The following CHSY3 variants were observed in gnomAD, a reference collection of about 807,000 sequenced individuals.
CHSY3 encodes the protein N-acetylgalactosaminyl-proteoglycan 3-beta-glucuronosyltransferase 3.
In CHSY3, 35 loss-of-function variants were observed where a neutral mutation model predicts 67.2. The ratio of observed to expected loss-of-function variants is 0.52; its 90% CI spans 0.40 to 0.69. The LOEUF is 0.69. CHSY3 is among the 30% of genes least tolerant of loss of function. The pLI is 0.00. For synonymous variants in CHSY3, 474 were observed against 434.7 expected (o/e 1.09, Z -1.12); for missense variants, 1,069 against 1,138.5 (o/e 0.94, Z 0.88).
At chr5:129,940,947 G>A (rs1291847990) in intron 2 of CHSY3, among the ~76,000 whole-genome samples, 24 of 152,046 alleles carry the variant, frequency 1.6e-4, no homozygotes, top group Admixed American at 6.6e-5. Flanking sequence ...CAGTAGGCAC[G>A]GTGGCTCATG....
At chr5:129,914,434 T>C (rs1363544766) in intron 2 of CHSY3, among the ~76,000 whole-genome samples, 1 of 152,218 alleles carries the variant, frequency 6.6e-6, no homozygotes, top group Non-Finnish European at 1.5e-5. Flanking sequence ...TTTTCTAATG[T>C]TGATTTTACT....
At chr5:129,932,893 AG>A (rs149400353) in intron 2 of CHSY3, among the ~76,000 whole-genome samples, 1,666 of 152,288 alleles carry the variant, frequency 0.011, 24 homozygotes, top group African/African-American at 0.037. Flanking sequence ...GAAGAAATAA[AG>A]GAATGTTGAC....
At position 130,138,323 on chromosome 5, in the gene CHSY3, A is replaced by G. The variant is rs575659527; in HGVS notation, c.1087-45906A>G. On this transcript the variant is annotated intron_variant, in intron 2 of 2. Transcript: ENST00000305031. ...GCGTCTAAGGGCAGGCTGTGACCTG[A>G]GGTAGGCATAGGCTGTCAGCAAGGT... Among the ~76,000 whole-genome samples, 3 of 152,270 alleles carry G rather than the reference A, an allele frequency of 2.0e-5. No homozygotes were observed. The East Asian group carries it at 5.8e-4, about 29-fold the overall frequency.
At chr5:129,935,965 C>G (rs1580551239) in intron 2 of CHSY3, among the ~76,000 whole-genome samples, 1 of 152,132 alleles carries the variant, frequency 6.6e-6, no homozygotes, top group Non-Finnish European at 1.5e-5. Flanking sequence ...TTGATTCAAA[C>G]ACACTTTTGG....
At chr5:129,909,660 C>T (rs1160816640) in intron 2 of CHSY3, among the ~76,000 whole-genome samples, 1 of 151,932 alleles carries the variant, frequency 6.6e-6, no homozygotes, top group Non-Finnish European at 1.5e-5. Context: ...TATGTAAAAA[C>T]ATTACAGTTT....
chr5:129,955,483 C>G (rs1029584747), intron 2 of CHSY3, among the ~76,000 whole-genome samples: 1 of 150,626 alleles, frequency 6.6e-6, no homozygotes, highest in Non-Finnish European at 1.5e-5. Flanking sequence ...CTTCCTTCCT[C>G]CTTTCTTTCC....
At chr5:130,132,372 C>T (rs76877958) in intron 2 of CHSY3, among the ~76,000 whole-genome samples, 6,893 of 152,044 alleles carry the variant, frequency 0.045, 427 homozygotes, top group East Asian at 0.27. Flanking sequence ...CTGGAGATGC[C>T]GAACTGAACA....
At chr5:130,009,441 C>T (rs1763982075) in intron 2 of CHSY3, among the ~76,000 whole-genome samples, 1 of 151,884 alleles carries the variant, frequency 6.6e-6, no homozygotes. Flanking sequence ...ACCACTAGAC[C>T]TGCCTTTGAA....
intron 2 of CHSY3, among the ~76,000 whole-genome samples, chr5:129,941,805 C>CCA (rs1453100893): frequency 6.6e-6 from 1 of 152,120 alleles, no homozygotes; most frequent in Non-Finnish European, 1.5e-5. Flanking sequence ...CCAAGATTAA[C>CCA]CACACACCCC....
intron 2 of CHSY3, among the ~76,000 whole-genome samples, chr5:130,124,543 C>T (rs1445831854): frequency 6.6e-6 from 1 of 151,832 alleles, no homozygotes; most frequent in African/African-American, 2.4e-5. Context: ...GCAACCTCCA[C>T]CTCCTCAGTT....
At chr5:130,094,339 C>A (rs1229845673) in intron 2 of CHSY3, among the ~76,000 whole-genome samples, 1 of 152,110 alleles carries the variant, frequency 6.6e-6, no homozygotes, top group African/African-American at 2.4e-5. Flanking sequence ...GTTTTAAAGA[C>A]CAAATCTGAA....
At chr5:130,007,848 T>G (rs1763920372) in intron 2 of CHSY3, among the ~76,000 whole-genome samples, 1 of 152,158 alleles carries the variant, frequency 6.6e-6, no homozygotes, top group African/African-American at 2.4e-5. Context: ...GAATACCCCC[T>G]TGTCTGCCAG....
intron 1 of CHSY3, 152 bp downstream of exon 1, chr5:129,905,783 C>T (rs1760265622): frequency 6.4e-6 from 9 of 1,411,594 alleles, no homozygotes; most frequent in Non-Finnish European, 8.4e-6. Flanking sequence ...CCACCCCTTG[C>T]ATCCGCCCAC....
chr5:129,932,485 C>G (rs567842051), intron 2 of CHSY3, among the ~76,000 whole-genome samples: 4 of 152,106 alleles, frequency 2.6e-5, no homozygotes, highest in Non-Finnish European at 5.9e-5. Context: ...TTGTGTTTGG[C>G]CCAAAAATTG....
At chr5:129,944,357 T>G (rs1761785731) in intron 2 of CHSY3, among the ~76,000 whole-genome samples, 1 of 151,652 alleles carries the variant, frequency 6.6e-6, no homozygotes, top group Non-Finnish European at 1.5e-5. Context: ...TCTTATAAAT[T>G]GCCTGTGATA....
intron 2 of CHSY3, among the ~76,000 whole-genome samples, chr5:130,139,474 C>G (rs1768786728): frequency 6.6e-6 from 1 of 152,144 alleles, no homozygotes; most frequent in South Asian, 2.1e-4. Context: ...ATCTTTGTCA[C>G]TCATAAAAGA....
chr5:129,938,928 C>A (rs1009865692), intron 2 of CHSY3, among the ~76,000 whole-genome samples: 14 of 152,178 alleles, frequency 9.2e-5, no homozygotes, highest in African/African-American at 2.7e-4. Context: ...ATCTTTATAG[C>A]AATGCTCCAA....
intron 2 of CHSY3, among the ~76,000 whole-genome samples, chr5:130,069,779 G>A (rs1766002115): frequency 6.6e-6 from 1 of 151,798 alleles, no homozygotes; most frequent in Admixed American, 6.6e-5. Flanking sequence ...TGATAACATG[G>A]AAAACAAAAG....
chr5:129,956,726 C>T (rs1297804566), intron 2 of CHSY3, among the ~76,000 whole-genome samples: 1 of 151,768 alleles, frequency 6.6e-6, no homozygotes, highest in Non-Finnish European at 1.5e-5. Context: ...GGGAGTATGT[C>T]CTCGTTGCTT....
Sources: allele counts gnomAD v4.1 joint callset (sites outside exome capture counted in the v4.1 genomes callset), GRCh38; gene constraint gnomAD v4.1.1; transcripts MANE v1.5; gene names NCBI Gene and HGNC (gene_info 2026-07-23, HGNC 2026-07-21).